Variants in ARHGEF9 observed in about 807,000 individuals in gnomAD.
ARHGEF9 encodes the protein rho guanine nucleotide exchange factor 9.
A neutral mutation model predicts 41.3 loss-of-function variants in ARHGEF9; 2 were observed. The ratio of observed to expected loss-of-function variants is 0.05; its 90% confidence interval spans 0.02 to 0.15. The LOEUF (loss-of-function observed/expected upper bound fraction) is 0.15, where lower values mean the gene tolerates loss of function less well. Ranked by LOEUF, ARHGEF9 falls within the 10% of genes least tolerant of loss-of-function variation. ARHGEF9 has a pLI of 1.00. For missense variants in ARHGEF9, 225 were observed against 424.7 expected (o/e 0.53, Z 4.13); for synonymous variants, 160 against 154.4 (o/e 1.04, Z -0.27).
intron 8 of ARHGEF9, among the ~76,000 whole-genome samples, chrX:63,652,953 T>C (rs2048646431): frequency 9.0e-6 from 1 of 111,388 alleles, no homozygotes; most frequent in Non-Finnish European, 1.9e-5. Flanking sequence ...AAGAAGATGC[T>C]TGCTTCCCCT....
chrX:63,637,846 C>CTCTG lies in ARHGEF9; in HGVS notation c.*181_*182insCAGA. The CTCTG allele has an allele frequency of 6.4e-6, 2 of 313,586 alleles. No homozygotes were observed. Among genetic ancestry groups the CTCTG allele is most frequent in the East Asian group, 4.9e-5 (1 of 20,513 alleles). 25.8% of individuals were successfully genotyped at this position (313,586 alleles called of 1,213,427 possible). ...GAAAACACTTTTGTTCCTTATCTCTCTGTGTGTGTGTGTGTGTGTGTGTGT... is the reference window on the plus strand; with the variant it reads ...GAAAACACTTTTGTTCCTTATCTCTCTCTGTGTGTGTGTGTGTGTGTGTGTGTGT... On this transcript the variant is annotated 3_prime_UTR_variant, in exon 10 of 10. Coordinates refer to ENST00000671741, the MANE Select transcript of ARHGEF9 (RefSeq NM_001353921.2).
At chrX:63,704,809 A>G (rs1175694948) in intron 3 of ARHGEF9, among the ~76,000 whole-genome samples, 1 of 112,062 alleles carries the variant, frequency 8.9e-6, no homozygotes, top group Non-Finnish European at 1.9e-5. Context: ...AAAAACCAGC[A>G]TTCCATGTCC....
intron 4 of ARHGEF9, 65 bp downstream of exon 4, chrX:63,697,060 C>T: frequency 8.8e-7 from 1 of 1,133,246 alleles, no homozygotes; most frequent in Middle Eastern, 3.1e-4. Flanking sequence ...CCAGACAGCT[C>T]AAACGCTCCT....
chrX:63,696,103 A>C (rs1215841428), intron 4 of ARHGEF9, among the ~76,000 whole-genome samples: 1 of 111,325 alleles, frequency 9.0e-6, no homozygotes, highest in African/African-American at 3.3e-5. Context: ...TGAGTCCTAA[A>C]CCACATTCAA....
At chrX:63,738,429 A>G (rs2054746231) in intron 1 of ARHGEF9, among the ~76,000 whole-genome samples, 1 of 111,744 alleles carries the variant, frequency 8.9e-6, no homozygotes, top group Non-Finnish European at 1.9e-5. Context: ...TAAGGTATCT[A>G]TGGTCAAAAG....
chrX:63,760,895 A>G (rs1323658079), intron 1 of ARHGEF9, among the ~76,000 whole-genome samples: 2 of 112,365 alleles, frequency 1.8e-5, no homozygotes, highest in African/African-American at 6.5e-5. Flanking sequence ...TTGAGGAAGC[A>G]GTAGCAGGAT....
At chrX:63,762,104 A>C (rs1556449893) in intron 1 of ARHGEF9, among the ~76,000 whole-genome samples, 2 of 111,538 alleles carry the variant, frequency 1.8e-5, no homozygotes, top group African/African-American at 6.5e-5. Context: ...TGTAGAGCCT[A>C]ATCTCCTGGA....
intron 1 of ARHGEF9, chrX:63,754,799 T>A: frequency 1.1e-6 from 1 of 943,700 alleles, no homozygotes. Flanking sequence ...AGGATTGGGC[T>A]GATCGTTTGT....
intron 1 of ARHGEF9, among the ~76,000 whole-genome samples, chrX:63,748,884 G>C (rs1441986544): frequency 8.0e-5 from 9 of 112,214 alleles, no homozygotes; most frequent in African/African-American, 2.9e-4. Context: ...GTGGCACCTA[G>C]AGTAGCATGA....
chrX:63,778,385 C>T (rs1556460104), intron 1 of ARHGEF9, among the ~76,000 whole-genome samples: 1 of 112,035 alleles, frequency 8.9e-6, no homozygotes, highest in Non-Finnish European at 1.9e-5. Flanking sequence ...ATTTTTTCCT[C>T]CTAGACCTCC....
chrX:63,639,970 T>C (rs1281486207), intron 9 of ARHGEF9: 2 of 111,471 alleles, frequency 1.8e-5, no homozygotes, highest in Non-Finnish European at 3.8e-5. Context: ...AAGGATGGTG[T>C]TAGGGAAATG....
chrX:63,660,485 C>T (rs2049147761), intron 7 of ARHGEF9, among the ~76,000 whole-genome samples: 1 of 111,070 alleles, frequency 9.0e-6, no homozygotes, highest in African/African-American at 3.3e-5. Context: ...TACCAAAACC[C>T]GGCAACATGC....
chrX:63,724,436 A>G, intron 2 of ARHGEF9, 96 bp downstream of exon 2: 1 of 991,038 alleles, frequency 1.0e-6, no homozygotes, highest in South Asian at 2.1e-5. Flanking sequence ...AAAAGCCACC[A>G]GGAGAGAAAT....
At chrX:63,649,251 A>G (rs1266775184) in intron 8 of ARHGEF9, among the ~76,000 whole-genome samples, 3 of 111,759 alleles carry the variant, frequency 2.7e-5, no homozygotes, top group Non-Finnish European at 5.6e-5. Context: ...CTCAGACCAC[A>G]GTGAAATCAA....
At chrX:63,762,735 T>G (rs1213278453) in intron 1 of ARHGEF9, among the ~76,000 whole-genome samples, 1 of 111,296 alleles carries the variant, frequency 9.0e-6, no homozygotes, top group South Asian at 3.9e-4. Flanking sequence ...ATACCGGGAC[T>G]TTTTTCAATA....
intron 9 of ARHGEF9, chrX:63,640,639 C>G (rs1241565865): frequency 8.9e-6 from 1 of 111,921 alleles, no homozygotes; most frequent in Non-Finnish European, 1.9e-5. Context: ...GTGAAAAGGC[C>G]TTTCTTGGAG....
intron 1 of ARHGEF9, chrX:63,766,849 C>T (rs782582062): frequency 1.3e-5 from 4 of 311,288 alleles, no homozygotes; most frequent in South Asian, 7.6e-5. Flanking sequence ...TAGTCCCCCA[C>T]GCGGCCCCTC....
chrX:63,706,863 G>A (rs1236298075), intron 2 of ARHGEF9, among the ~76,000 whole-genome samples: 1 of 112,280 alleles, frequency 8.9e-6, no homozygotes, highest in African/African-American at 3.2e-5. Flanking sequence ...GTTGATTTCT[G>A]TGATGGGATA....
chrX:63,731,461 T>C (rs1556419971), intron 1 of ARHGEF9, among the ~76,000 whole-genome samples: 2 of 109,719 alleles, frequency 1.8e-5, no homozygotes, highest in African/African-American at 3.3e-5. Flanking sequence ...TGAGGTACCA[T>C]GGTGTACAGT....
Sources: gnomAD v4.1 joint callset for allele counts (sites outside exome capture counted in the v4.1 genomes callset) on GRCh38, gnomAD v4.1.1 for gene constraint, MANE v1.5 for transcripts, NCBI Gene and HGNC (gene_info 2026-07-23, HGNC 2026-07-21) for gene names.